The following NKAIN2 variants were observed in gnomAD, a reference collection of about 807,000 sequenced individuals.
NKAIN2 encodes sodium/potassium transporting ATPase interacting 2, also known as sodium/potassium-transporting ATPase subunit beta-1-interacting protein 2.
In NKAIN2, 14 loss-of-function variants were observed where a neutral mutation model predicts 32.6. The observed-to-expected ratio is 0.43, with a 90% CI of 0.28 to 0.67. The LOEUF is 0.67. Ranked by LOEUF, NKAIN2 falls within the 30% of genes least tolerant of loss-of-function variation. The pLI is 0.17. For missense variants in NKAIN2, 198 were observed against 258.3 expected (o/e 0.77, Z 1.60); for synonymous variants, 80 against 87.2 (o/e 0.92, Z 0.46).
intron 2 of NKAIN2, among the ~76,000 whole-genome samples, chr6:124,335,885 T>G (rs1797841112): frequency 6.6e-6 from 1 of 152,156 alleles, no homozygotes; most frequent in South Asian, 2.1e-4. Context: ...TTTGTTTGCT[T>G]CTTTGTCTTA....
intron 3 of NKAIN2, among the ~76,000 whole-genome samples, chr6:124,395,288 A>G (rs1417279093): frequency 6.6e-6 from 1 of 152,088 alleles, no homozygotes; most frequent in Non-Finnish European, 1.5e-5. Context: ...CCAGAGAGAA[A>G]TCTTCTATGA....
Position 124,181,328 on chromosome 6 carries a change from A to G in NKAIN2, c.55-101677A>G, listed in dbSNP as rs192573595. On this transcript the variant is annotated intron_variant, in intron 1 of 6. Coordinates refer to ENST00000368417, the MANE Select transcript of NKAIN2 (RefSeq NM_001040214.3). ...TGGGTCTATAATGGGAGGGGATTCCATGAAGACCTATGACATGCCTTGGAG... is the reference window on the plus strand; with the variant it reads ...TGGGTCTATAATGGGAGGGGATTCCGTGAAGACCTATGACATGCCTTGGAG... Among the ~76,000 whole-genome samples the G allele has an allele frequency of 1.0e-3, 158 of 152,186 alleles. 1 individual carries two copies. Among genetic ancestry groups the G allele is most frequent in the African/African-American group, 3.7e-3 (152 of 41,532 alleles).
At chr6:124,253,869 G>C (rs1193166001) in intron 1 of NKAIN2, among the ~76,000 whole-genome samples, 1 of 125,782 alleles carries the variant, frequency 8.0e-6, no homozygotes, top group Non-Finnish European at 1.6e-5. Context: ...GTCTTACTCT[G>C]TCACCCAGGC....
intron 1 of NKAIN2, among the ~76,000 whole-genome samples, chr6:124,182,718 A>T (rs1789505852): frequency 6.6e-6 from 1 of 152,170 alleles, no homozygotes; most frequent in African/African-American, 2.4e-5. Flanking sequence ...AATACACCTG[A>T]TTGAGAAAAT....
intron 1 of NKAIN2, among the ~76,000 whole-genome samples, chr6:123,985,634 A>C (rs1466384195): frequency 6.6e-6 from 1 of 152,208 alleles, no homozygotes; most frequent in African/African-American, 2.4e-5. Context: ...GTAAGTACTA[A>C]GTGAGTCCCA....
intron 5 of NKAIN2, among the ~76,000 whole-genome samples, chr6:124,813,581 A>G (rs1461276107): frequency 6.6e-6 from 1 of 152,302 alleles, no homozygotes; most frequent in Middle Eastern, 3.4e-3. Context: ...TTCAATATAC[A>G]TACAAAGGAA....
At chr6:124,729,056 G>T (rs1279377587) in intron 4 of NKAIN2, among the ~76,000 whole-genome samples, 1 of 151,826 alleles carries the variant, frequency 6.6e-6, no homozygotes, top group Non-Finnish European at 1.5e-5. Context: ...TGAAATTGTG[G>T]CAATAATCAA....
At chr6:124,562,095 T>C (rs1277017418) in intron 3 of NKAIN2, among the ~76,000 whole-genome samples, 1 of 152,244 alleles carries the variant, frequency 6.6e-6, no homozygotes, top group Admixed American at 6.5e-5. Flanking sequence ...AAATGTGTAG[T>C]GACTTTTCAA....
chr6:124,010,502 G>C (rs1780274794), intron 1 of NKAIN2, among the ~76,000 whole-genome samples: 1 of 150,196 alleles, frequency 6.7e-6, no homozygotes, highest in South Asian at 2.1e-4. Flanking sequence ...CATTGAGAAA[G>C]TTGAGTGTGT....
chr6:123,900,532 G>GGTTTTTTTTTTTTTT (rs1774516637), intron 1 of NKAIN2, among the ~76,000 whole-genome samples: 1 of 32,764 alleles, frequency 3.1e-5, no homozygotes, highest in East Asian at 1.9e-3. Flanking sequence ...CTCCAGATTA[G>GGTTTTTTTTTTTTTT]TTTTTTTTTT....
At chr6:124,260,031 A>G (rs920470059) in intron 1 of NKAIN2, among the ~76,000 whole-genome samples, 1 of 152,224 alleles carries the variant, frequency 6.6e-6, no homozygotes, top group Non-Finnish European at 1.5e-5. Context: ...TAATGATTAC[A>G]CAGCTAGTTA....
chr6:124,387,781 T>A (rs1772973237), intron 3 of NKAIN2, among the ~76,000 whole-genome samples: 1 of 152,116 alleles, frequency 6.6e-6, no homozygotes, highest in African/African-American at 2.4e-5. Flanking sequence ...GTTAATATAA[T>A]CTGTGCCTTG....
intron 4 of NKAIN2, among the ~76,000 whole-genome samples, chr6:124,703,474 C>A (rs1003764918): frequency 1.3e-5 from 2 of 151,966 alleles, no homozygotes; most frequent in South Asian, 2.1e-4. Flanking sequence ...TCACACATTT[C>A]TTGATTTTCA....
chr6:124,501,849 G>A (rs1346896168), intron 3 of NKAIN2, among the ~76,000 whole-genome samples: 2 of 151,946 alleles, frequency 1.3e-5, no homozygotes, highest in African/African-American at 4.8e-5. Context: ...TTTGTCTAGT[G>A]TGCATATTAA....
At chr6:123,941,324 A>T (rs1369050391) in intron 1 of NKAIN2, among the ~76,000 whole-genome samples, 1 of 151,874 alleles carries the variant, frequency 6.6e-6, no homozygotes, top group African/African-American at 2.4e-5. Context: ...ACAATAAATT[A>T]TATTATAATA....
intron 1 of NKAIN2, among the ~76,000 whole-genome samples, chr6:123,904,324 G>T (rs1774751418): frequency 6.6e-6 from 1 of 152,212 alleles, no homozygotes. Flanking sequence ...TTCAGATTCA[G>T]TCCATAATGG....
rs531158775 is a variant in NKAIN2 at position 124,028,729 on chromosome 6, G to GTA, written c.54+224478_54+224479dup. 2.9e-3 allele frequency among the ~76,000 whole-genome samples: 422 copies of GTA among 146,786 alleles called. 2 individuals are homozygous for GTA. The highest frequency in any genetic ancestry group is 3.8e-3 in the African/African-American group (150 of 39,236). ...CGTGTATATATACGTGTATATACGT[G>GTA]TATACACGTATATATGTGTATATAT... On this transcript the variant is annotated intron_variant, in intron 1 of 6. Coordinates refer to ENST00000368417, the MANE Select transcript of NKAIN2 (RefSeq NM_001040214.3).
At chr6:124,582,190 A>G (rs1781548472) in intron 3 of NKAIN2, among the ~76,000 whole-genome samples, 1 of 152,184 alleles carries the variant, frequency 6.6e-6, no homozygotes, top group African/African-American at 2.4e-5. Flanking sequence ...AGACATTACT[A>G]CTAATACCAG....
chr6:123,817,846 G>C (rs780675668), intron 1 of NKAIN2, among the ~76,000 whole-genome samples: 1 of 152,134 alleles, frequency 6.6e-6, no homozygotes, highest in South Asian at 2.1e-4. Flanking sequence ...GGAAAGGGGG[G>C]TGCTGAATAA....
Sources: allele counts gnomAD v4.1 joint callset (sites outside exome capture counted in the v4.1 genomes callset), GRCh38; gene constraint gnomAD v4.1.1; transcripts MANE v1.5; gene names NCBI Gene and HGNC (gene_info 2026-07-23, HGNC 2026-07-21).